Variants in GRIP1 observed in about 807,000 individuals in gnomAD.
GRIP1 encodes the protein glutamate receptor interacting protein 1.
A neutral mutation model predicts 129.9 loss-of-function variants in GRIP1; 45 were observed. The ratio of observed to expected loss-of-function variants is 0.35; its 90% CI spans 0.27 to 0.44. The LOEUF (loss-of-function observed/expected upper bound fraction) is 0.44. Ranked by LOEUF, GRIP1 falls within the 20% of genes least tolerant of loss-of-function variation. The probability of loss-of-function intolerance (pLI) is 1.00; values close to 1 mark genes in which losing one functional copy is unlikely to be tolerated. For synonymous variants in GRIP1, 530 were observed against 520.8 expected (o/e 1.02, Z -0.24); for missense variants, 1,196 against 1,396.8 (o/e 0.86, Z 2.29).
intron 1 of GRIP1, among the ~76,000 whole-genome samples, chr12:66,881,143 TC>T (rs2040471518): frequency 6.6e-6 from 1 of 151,940 alleles, no homozygotes; most frequent in Non-Finnish European, 1.5e-5. Flanking sequence ...TAAACAGAGT[TC>T]CTTTAAAGAA....
At chr12:66,358,853 G>T (rs1185942355) in intron 23 of GRIP1, among the ~76,000 whole-genome samples, 6 of 152,214 alleles carry the variant, frequency 3.9e-5, no homozygotes, top group African/African-American at 7.2e-5. Context: ...GAGGCTAGTA[G>T]TTATTAGAAT....
In GRIP1 at chr12:66,434,366, C is replaced by T. The variant is rs1486646724; in HGVS notation, c.1688-1738G>A. The stretch of plus-strand genomic sequence containing the variant: ...TTTCCTCCCTCGACCAAGTGAGTGT[C>T]ACGGACTGAGTTAACACCTTTGACT... On this transcript the variant is annotated intron_variant, in intron 13 of 24. Coordinates refer to ENST00000359742, the MANE Select transcript of GRIP1 (RefSeq NM_001366722.1). 2.0e-5 allele frequency among the ~76,000 whole-genome samples: 3 copies of T among 152,188 alleles called. No individual in the cohort carries two copies. The East Asian group carries it at 5.8e-4, about 29-fold the overall frequency.
At chr12:66,867,128 G>T (rs1245713308) in intron 1 of GRIP1, among the ~76,000 whole-genome samples, 1 of 152,078 alleles carries the variant, frequency 6.6e-6, no homozygotes, top group Non-Finnish European at 1.5e-5. Context: ...AGCTGAGATT[G>T]CAGGCGCAAG....
chr12:66,495,455 T>C (rs1592429748), intron 7 of GRIP1, among the ~76,000 whole-genome samples: 1 of 152,216 alleles, frequency 6.6e-6, no homozygotes, highest in Non-Finnish European at 1.5e-5. Context: ...TACACTGTTA[T>C]GGATTGAGTT....
intron 13 of GRIP1, among the ~76,000 whole-genome samples, chr12:66,435,679 G>A (rs372732900): frequency 1.3e-5 from 2 of 152,170 alleles, no homozygotes; most frequent in African/African-American, 4.8e-5. Flanking sequence ...TGCTGTTCTA[G>A]AATAGTTACT....
chr12:66,858,964 C>T (rs2040053571), intron 1 of GRIP1, among the ~76,000 whole-genome samples: 1 of 151,694 alleles, frequency 6.6e-6, no homozygotes, highest in Non-Finnish European at 1.5e-5. Flanking sequence ...ATAACTTTGC[C>T]CATCAACAAA....
intron 1 of GRIP1, among the ~76,000 whole-genome samples, chr12:66,622,354 G>GTATTTGA (rs1339527858): frequency 2.0e-5 from 3 of 151,966 alleles, no homozygotes; most frequent in Admixed American, 6.6e-5. Flanking sequence ...ATAAGATCTA[G>GTATTTGA]TATTTGATAG....
chr12:66,543,838 T>C (rs1415579222), intron 2 of GRIP1, among the ~76,000 whole-genome samples: 2 of 152,224 alleles, frequency 1.3e-5, no homozygotes, highest in African/African-American at 4.8e-5. Context: ...ACTTTACATG[T>C]AGAGTTGGAA....
At chr12:67,035,349 T>C (rs1320679423) in intron 1 of GRIP1, among the ~76,000 whole-genome samples, 1 of 152,164 alleles carries the variant, frequency 6.6e-6, no homozygotes, top group African/African-American at 2.4e-5. Flanking sequence ...GGTTCGCAGT[T>C]TGGAATTCAG....
At chr12:66,668,117 G>C (rs975802200) in intron 1 of GRIP1, among the ~76,000 whole-genome samples, 11 of 152,158 alleles carry the variant, frequency 7.2e-5, no homozygotes, top group African/African-American at 2.4e-4. Context: ...TGGTCAGTGT[G>C]CCTTGAGTCA....
At position 66,752,017 on chromosome 12, in the gene GRIP1, T is replaced by G. The variant is rs4913495; in HGVS notation, c.-420+52036A>C. Among the ~76,000 whole-genome samples, 1,365 of 152,176 alleles carry G rather than the reference T, an allele frequency of 9.0e-3. 76 individuals carry two copies. The highest frequency in any genetic ancestry group is 0.084 in the Admixed American group (1,277 of 15,270). Reference sequence around the variant, plus strand: ...ATCCAAGGGGCCAATGTAACAGGAATGGAGAGAGAGAATACTAGATTATCA... The same window carrying G: ...ATCCAAGGGGCCAATGTAACAGGAAGGGAGAGAGAGAATACTAGATTATCA... On this transcript the variant is annotated intron_variant, in intron 1 of 4. Transcript: ENST00000538373.
chr12:67,026,296 G>T (rs1413959515), intron 1 of GRIP1, among the ~76,000 whole-genome samples: 1 of 152,192 alleles, frequency 6.6e-6, no homozygotes, highest in Non-Finnish European at 1.5e-5. Flanking sequence ...ATTAAAAGCT[G>T]CTATAATTTT....
At chr12:66,654,768 A>G (rs1316159222) in intron 1 of GRIP1, among the ~76,000 whole-genome samples, 1 of 152,198 alleles carries the variant, frequency 6.6e-6, no homozygotes, top group East Asian at 1.9e-4. Flanking sequence ...ATTATGTACA[A>G]TAAAGATGGA....
At chr12:66,942,515 T>C (rs2041603178) in intron 1 of GRIP1, among the ~76,000 whole-genome samples, 1 of 152,140 alleles carries the variant, frequency 6.6e-6, no homozygotes, top group South Asian at 2.1e-4. Context: ...AACAATAAGG[T>C]ATATTTTAAA....
intron 4 of GRIP1, among the ~76,000 whole-genome samples, chr12:66,531,127 T>C (rs977887157): frequency 1.3e-5 from 2 of 151,130 alleles, no homozygotes; most frequent in Non-Finnish European, 3.0e-5. Context: ...CCCAGCTACT[T>C]TGGAGGCTGA....
intron 1 of GRIP1, among the ~76,000 whole-genome samples, chr12:66,699,615 T>A (rs1340802720): frequency 6.6e-6 from 1 of 152,200 alleles, no homozygotes; most frequent in African/African-American, 2.4e-5. Flanking sequence ...TGTGAGTTCA[T>A]TAAGCCTCTT....
chr12:66,750,283 C>T (rs749166500), intron 1 of GRIP1, among the ~76,000 whole-genome samples: 1 of 152,148 alleles, frequency 6.6e-6, no homozygotes, highest in Non-Finnish European at 1.5e-5. Flanking sequence ...TCCCTTGATC[C>T]TTTCATCATC....
chr12:67,052,256 A>T (rs1478581119), intron 1 of GRIP1, among the ~76,000 whole-genome samples: 1 of 152,208 alleles, frequency 6.6e-6, no homozygotes, highest in East Asian at 1.9e-4. Context: ...AACCATCTTC[A>T]TGAGACACAG....
At chr12:66,563,828 A>G (rs73323152) in intron 2 of GRIP1, 2,331 of 152,360 alleles carry the variant, frequency 0.015, 66 homozygotes, top group African/African-American at 0.053. Context: ...AAAACAAGAA[A>G]GTCTCATATC....
Sources: allele counts gnomAD v4.1 joint callset (sites outside exome capture counted in the v4.1 genomes callset), GRCh38; gene constraint gnomAD v4.1.1; transcripts MANE v1.5; gene names NCBI Gene and HGNC (gene_info 2026-07-23, HGNC 2026-07-21).